SKAP2: variants seen among roughly 807,000 people sequenced by gnomAD.
SKAP2 encodes the protein src kinase associated phosphoprotein 2, also known as src kinase-associated phosphoprotein 2.
A neutral mutation model predicts 54.9 loss-of-function variants in SKAP2; 28 were observed. The ratio of observed to expected loss-of-function variants is 0.51; its 90% CI spans 0.38 to 0.70. The LOEUF (loss-of-function observed/expected upper bound fraction) is 0.70, where lower values mean the gene tolerates loss of function less well. Ranked by LOEUF, SKAP2 falls within the 30% of genes least tolerant of loss-of-function variation. SKAP2 has a pLI of 0.00. For synonymous variants in SKAP2, 137 were observed against 134.3 expected (o/e 1.02, Z -0.14); for missense variants, 356 against 424.1 (o/e 0.84, Z 1.41).
chr7:26,783,892 C>T (rs1166836452), intron 4 of SKAP2, among the ~76,000 whole-genome samples: 7 of 150,720 alleles, frequency 4.6e-5, no homozygotes, highest in Non-Finnish European at 7.4e-5. Context: ...TGTATACATA[C>T]GTAACTAACC....
At chr7:26,809,489 G>T (rs1218641248) in intron 4 of SKAP2, among the ~76,000 whole-genome samples, 1 of 151,324 alleles carries the variant, frequency 6.6e-6, no homozygotes, top group Non-Finnish European at 1.5e-5. Flanking sequence ...TGTCCAACAG[G>T]TATACAAAAA....
chr7:26,788,366 GA>G (rs1584390310), intron 4 of SKAP2, among the ~76,000 whole-genome samples: 2 of 139,390 alleles, frequency 1.4e-5, no homozygotes, highest in South Asian at 4.5e-4. Context: ...CAGTGGTTAA[GA>G]AAAAAAAGAA....
At chr7:26,818,519 T>C (rs1784318634) in intron 4 of SKAP2, among the ~76,000 whole-genome samples, 1 of 152,134 alleles carries the variant, frequency 6.6e-6, no homozygotes, top group Non-Finnish European at 1.5e-5. Flanking sequence ...GACACAGGCA[T>C]GGGCAAAGTT....
chr7:26,827,017 C>A (rs1784504955), intron 4 of SKAP2, among the ~76,000 whole-genome samples: 1 of 152,076 alleles, frequency 6.6e-6, no homozygotes, highest in Non-Finnish European at 1.5e-5. Context: ...ACACCAACAC[C>A]AAAATAAGTC....
At chr7:26,674,854 T>C (rs541538916) in intron 11 of SKAP2, among the ~76,000 whole-genome samples, 139 of 152,338 alleles carry the variant, frequency 9.1e-4, no homozygotes, top group South Asian at 1.7e-3. Context: ...CCCTGAGTCA[T>C]GCTATAGTTA....
At chr7:26,726,690 T>G (rs1048113169) in intron 7 of SKAP2, 192 bp downstream of exon 7, 11 of 435,830 alleles carry the variant, frequency 2.5e-5, no homozygotes, top group Non-Finnish European at 4.4e-5. Context: ...TTCAAGAAGA[T>G]AGTGTGTGAA....
chr7:26,838,554 G>C (rs576180517), intron 4 of SKAP2, among the ~76,000 whole-genome samples: 2 of 152,268 alleles, frequency 1.3e-5, no homozygotes, highest in African/African-American at 4.8e-5. Context: ...CCTGGTTTCT[G>C]AGCTTGAACT....
intron 4 of SKAP2, among the ~76,000 whole-genome samples, chr7:26,788,201 C>T (rs1048611483): frequency 3.9e-5 from 6 of 152,136 alleles, no homozygotes; most frequent in Admixed American, 2.6e-4. Context: ...TTTTATTAGA[C>T]TTAATGAAAG....
At chr7:26,680,832 AGCT>A (rs1355707798) in intron 11 of SKAP2, among the ~76,000 whole-genome samples, 1 of 152,222 alleles carries the variant, frequency 6.6e-6, no homozygotes, top group African/African-American at 2.4e-5. Flanking sequence ...GTCACATGAT[AGCT>A]GCTAATTGGA....
chr7:26,848,753 A>G lies in SKAP2; in HGVS notation c.200-4616T>C, dbSNP rs111557348. On this transcript the variant is annotated intron_variant, in intron 3 of 12. Transcript: ENST00000345317. ...CAAGTAATAATATATAGCTAAATAT[A>G]CATAATTAAGCATTTAACTTGTCAT... Among the ~76,000 whole-genome samples the G allele has an allele frequency of 3.9e-5, 6 of 152,352 alleles. 1 individual carries two copies. The highest frequency in any genetic ancestry group is 1.4e-4 in the African/African-American group (6 of 41,588).
chr7:26,817,018 C>T (rs527756653), intron 4 of SKAP2, among the ~76,000 whole-genome samples: 36 of 152,202 alleles, frequency 2.4e-4, no homozygotes, highest in African/African-American at 7.5e-4. Context: ...ACCTAACTCA[C>T]TTTTCCTCAT....
chr7:26,834,733 C>T (rs1784670109), intron 4 of SKAP2, among the ~76,000 whole-genome samples: 1 of 152,126 alleles, frequency 6.6e-6, no homozygotes, highest in Admixed American at 6.5e-5. Flanking sequence ...GGCCCAGGAC[C>T]AGACGGATTC....
intron 4 of SKAP2, among the ~76,000 whole-genome samples, chr7:26,827,794 G>A (rs937315278): frequency 6.6e-6 from 1 of 152,162 alleles, no homozygotes; most frequent in Non-Finnish European, 1.5e-5. Flanking sequence ...ATTTCTAAAT[G>A]CTTATTCTTA....
At chr7:26,777,963 T>C (rs541929160) in intron 4 of SKAP2, among the ~76,000 whole-genome samples, 2 of 152,186 alleles carry the variant, frequency 1.3e-5, no homozygotes, top group African/African-American at 2.4e-5. Flanking sequence ...TGAGAATATA[T>C]AATTTTATAA....
At chr7:26,788,219 C>T (rs190131490) in intron 4 of SKAP2, among the ~76,000 whole-genome samples, 48 of 152,190 alleles carry the variant, frequency 3.2e-4, no homozygotes, top group Middle Eastern at 3.4e-3. Context: ...AAGCTGACTG[C>T]GATCATTTCA....
intron 4 of SKAP2, among the ~76,000 whole-genome samples, chr7:26,748,174 C>T (rs1782599264): frequency 6.6e-6 from 1 of 152,128 alleles, no homozygotes; most frequent in East Asian, 1.9e-4. Flanking sequence ...GTCCCTTTCT[C>T]ATAAAAGTAG....
intron 9 of SKAP2, among the ~76,000 whole-genome samples, chr7:26,718,787 C>T (rs563906446): frequency 6.6e-5 from 10 of 152,126 alleles, no homozygotes; most frequent in South Asian, 6.3e-4. Flanking sequence ...TACAGGCATG[C>T]GCCACTGCAC....
At chr7:26,658,310 G>A in the SKAP2 span, among the ~76,000 whole-genome samples, 1 of 152,182 alleles carries the variant, frequency 6.6e-6, no homozygotes, top group South Asian at 2.1e-4. Context: ...AGCAGGGGGT[G>A]CCATCTGTTT....
rs1453192250 is a variant in SKAP2, at chr7:26,727,794, T to C, written c.470-788A>G. Reference sequence around the variant, plus strand: ...TAATATTCTGAAACTGAAAATAAAATTAGTCAACCTTCCTACTTCACCCAG... The same window carrying C: ...TAATATTCTGAAACTGAAAATAAAACTAGTCAACCTTCCTACTTCACCCAG... On this transcript the variant is annotated intron_variant, in intron 6 of 12. Transcript: ENST00000345317. Among the ~76,000 whole-genome samples the C allele has an allele frequency of 5.3e-5, 8 of 152,248 alleles. No individual in the cohort carries two copies. In the East Asian group the frequency reaches 1.4e-3, roughly 26 times the overall value.
Sources: gnomAD v4.1 joint callset for allele counts (sites outside exome capture counted in the v4.1 genomes callset) on GRCh38, gnomAD v4.1.1 for gene constraint, MANE v1.5 for transcripts, NCBI Gene and HGNC (gene_info 2026-07-23, HGNC 2026-07-21) for gene names.